The following LIPH variants were observed in gnomAD, a reference collection of about 807,000 sequenced individuals.
The protein encoded by LIPH is lipase H, also known as lipase member H.
LIPH carries 32 observed loss-of-function variants against 47.6 expected under a neutral mutation model. The observed-to-expected ratio is 0.67, with a 90% CI of 0.51 to 0.90. LIPH has a LOEUF of 0.90. LIPH is among the 40% of genes least tolerant of loss of function. The probability of loss-of-function intolerance (pLI) is 0.00; values close to 1 mark genes in which losing one functional copy is unlikely to be tolerated. For synonymous variants in LIPH, 190 were observed against 195.6 expected, an observed-to-expected ratio of 0.97 and a Z score of 0.24; for missense variants, 497 against 541.4, an observed-to-expected ratio of 0.92 and a Z score of 0.81.
intron 9 of LIPH, among the ~76,000 whole-genome samples, chr3:185,511,178 T>A (rs1231846283): frequency 6.6e-6 from 1 of 152,082 alleles, no homozygotes; most frequent in Non-Finnish European, 1.5e-5. Flanking sequence ...ATTACAGTCA[T>A]GTACCATCAA....
chr3:185,546,858 CA>C, intron 1 of LIPH: 1 of 431,818 alleles, frequency 2.3e-6, no homozygotes, highest in South Asian at 1.7e-5. Context: ...GCTACACACT[CA>C]GCTCTGGCTT....
At chr3:185,529,899 G>GAGAAAGAAAAGAAAGAA in intron 3 of LIPH, among the ~76,000 whole-genome samples, 1 of 128,226 alleles carries the variant, frequency 7.8e-6, no homozygotes, top group African/African-American at 3.3e-5. Context: ...GAGAGAAAGA[G>GAGAAAGAAAAGAAAGAA]AGAAAGAAAA....
At chr3:185,546,162 T>A (rs1008844888) in intron 1 of LIPH, among the ~76,000 whole-genome samples, 6 of 150,326 alleles carry the variant, frequency 4.0e-5, no homozygotes, top group African/African-American at 1.5e-4. Flanking sequence ...TGAGACTCTG[T>A]CTCAAAAATA....
chr3:185,534,902 C>A lies in LIPH; in HGVS notation c.280G>T (p.Gly94Cys). Reference protein sequence around the residue: ...PPVWMDDLVKGLLSVEDMNVV... With the variant: ...PPVWMDDLVKCLLSVEDMNVV... ...TTCATGTCTTCAACAGAGAGCAAAC[C>A]CTTTACTAAGTCATCCATCCAAACA... The change falls in exon 2 of 10, where the codon GGT becomes TGT. Residue 94 changes from glycine (G) to cysteine (C), a missense_variant. By Grantham distance (159) the Gly-to-Cys change is radical. Coordinates refer to ENST00000296252, the MANE Select transcript of LIPH (RefSeq NM_139248.3). The A allele has an allele frequency of 6.2e-7, 1 of 1,614,152 alleles. No homozygotes were observed. Among genetic ancestry groups the A allele is most frequent in the Non-Finnish European group, 8.5e-7 (1 of 1,180,026 alleles).
At chr3:185,510,224 C>T (rs748991514) in intron 9 of LIPH, among the ~76,000 whole-genome samples, 1 of 152,152 alleles carries the variant, frequency 6.6e-6, no homozygotes, top group Non-Finnish European at 1.5e-5. Flanking sequence ...GCTGGGATTA[C>T]AGGCATGAGC....
chr3:185,521,218 A>G lies in LIPH; in HGVS notation c.719-1909T>C, dbSNP rs537374588. On this transcript the variant is annotated intron_variant, in intron 5 of 9. Transcript: ENST00000296252. ...AATAACTTTGACTCTGCTTTTCTCA[A>G]TGTATGGACTTTACCTATTTAGTTC... 3.3e-5 allele frequency among the ~76,000 whole-genome samples: 5 copies of G among 152,192 alleles called. No homozygotes were observed. The South Asian group carries it at 6.2e-4, about 19-fold the overall frequency.
At chr3:185,543,685 G>A (rs570540736) in intron 1 of LIPH, among the ~76,000 whole-genome samples, 65 of 152,264 alleles carry the variant, frequency 4.3e-4, no homozygotes, top group African/African-American at 1.5e-3. Context: ...GTTTGAGACA[G>A]CCTGGGCAAC....
chr3:185,551,139 A>T (rs1205496884), intron 1 of LIPH, among the ~76,000 whole-genome samples: 1 of 152,186 alleles, frequency 6.6e-6, no homozygotes, highest in Non-Finnish European at 1.5e-5. Flanking sequence ...ACGCCACTGC[A>T]CTCCAGCCTG....
In LIPH at chr3:185,508,627, A is replaced by C; in HGVS notation, c.*163T>G. On this transcript the variant is annotated 3_prime_UTR_variant, in exon 10 of 10. Coordinates refer to ENST00000296252, the MANE Select transcript of LIPH (RefSeq NM_139248.3). ...CTTCCCAGGATCGTTTTATAATCAC[A>C]AGGTTGTTTGATGTACAATGTGACA... The C allele has an allele frequency of 3.0e-6, 2 of 656,102 alleles. No homozygotes were observed. The highest frequency in any genetic ancestry group is 2.8e-6 in the Non-Finnish European group (1 of 363,104). The allele number at this position is 656,102 out of a possible 1,614,324, so 40.6% of individuals were successfully genotyped here.
chr3:185,536,350 A>G (rs547368946), intron 1 of LIPH, among the ~76,000 whole-genome samples: 1 of 152,328 alleles, frequency 6.6e-6, no homozygotes, highest in Admixed American at 6.5e-5. Context: ...CTTGGTGGAC[A>G]AGAGCAGAAA....
rs1191744225 is a variant in LIPH, at chr3:185,522,631, G to A, written c.718+1440C>T. On this transcript the variant is annotated intron_variant, in intron 5 of 9. Coordinates refer to ENST00000296252, the MANE Select transcript of LIPH (RefSeq NM_139248.3). ...AGGGAGGGAGAGAGAAAGAAAGAAG[G>A]AAAAGAAAGAGAGAAAGAAAAAGAA... is the stretch of plus-strand genomic sequence containing the variant. 1.7e-4 allele frequency among the ~76,000 whole-genome samples: 14 copies of A among 80,970 alleles called. No homozygotes were observed. In the South Asian group the frequency reaches 2.9e-3, roughly 17 times the overall value. The allele number at this position is 80,970 out of a possible 152,430, so 53.1% of individuals were successfully genotyped here.
At chr3:185,520,479 T>G (rs926869326) in intron 5 of LIPH, among the ~76,000 whole-genome samples, 49 of 151,236 alleles carry the variant, frequency 3.2e-4, no homozygotes, top group Non-Finnish European at 4.4e-5. Context: ...ATCGAGCCAC[T>G]GCACTCCAGC....
At position 185,517,184 on chromosome 3, in the gene LIPH, T is replaced by G. The variant is rs555323974; in HGVS notation, c.887-22A>C. The G allele has an allele frequency of 8.4e-6, 11 of 1,302,230 alleles. No individual in the cohort carries two copies. In the South Asian group the frequency reaches 1.2e-4, roughly 14 times the overall value. 80.7% of individuals were successfully genotyped at this position (1,302,230 alleles called of 1,614,324 possible). A position where few individuals can be genotyped will look rare whatever the true frequency, so the allele number is the denominator to read the frequency against. On this transcript the variant is annotated intron_variant, in intron 6 of 9. Transcript: ENST00000296252. The stretch of plus-strand genomic sequence containing the variant: ...TAGCCTATGAAACAAGTTTAAAAAA[T>G]TGTAAGATTAATATGTATTATACAA...
chr3:185,538,800 C>CACATAT (rs1358342659), intron 1 of LIPH, among the ~76,000 whole-genome samples: 553 of 7,992 alleles, frequency 0.069, 6 homozygotes, highest in African/African-American at 0.11. Flanking sequence ...CATATATACA[C>CACATAT]ACATATATAC....
intron 4 of LIPH, 112 bp downstream of exon 4, chr3:185,527,372 A>T (rs1328526051): frequency 1.2e-5 from 10 of 851,930 alleles, no homozygotes; most frequent in African/African-American, 5.0e-5. Flanking sequence ...TGCCTGGAAA[A>T]AAAAGTTAGA....
At chr3:185,516,983 G>A in intron 7 of LIPH, 84 bp downstream of exon 7, 1 of 902,726 alleles carries the variant, frequency 1.1e-6, no homozygotes, top group South Asian at 1.3e-5. Context: ...GCTCTTATTT[G>A]CCAAGAAGTA....
At chr3:185,536,270 C>G (rs1017451072) in intron 1 of LIPH, among the ~76,000 whole-genome samples, 2 of 152,106 alleles carry the variant, frequency 1.3e-5, no homozygotes, top group African/African-American at 2.4e-5. Context: ...TCATCCCCAG[C>G]TCCAAGTGGG....
intron 9 of LIPH, among the ~76,000 whole-genome samples, chr3:185,510,481 G>C (rs1360241978): frequency 1.3e-5 from 2 of 151,748 alleles, no homozygotes; most frequent in Non-Finnish European, 2.9e-5. Context: ...TATTTTTTCT[G>C]GCACAATTGA....
At chr3:185,512,702 T>A (rs959751016) in intron 8 of LIPH, among the ~76,000 whole-genome samples, 1 of 151,840 alleles carries the variant, frequency 6.6e-6, no homozygotes, top group Non-Finnish European at 1.5e-5. Flanking sequence ...TTGGCCAGGC[T>A]GGTCTTGAAC....
Sources: allele counts gnomAD v4.1 joint callset (sites outside exome capture counted in the v4.1 genomes callset), GRCh38; gene constraint gnomAD v4.1.1; transcripts MANE v1.5; gene names NCBI Gene and HGNC (gene_info 2026-07-23, HGNC 2026-07-21).